SHANK2: variants seen among roughly 807,000 people sequenced by gnomAD.
SHANK2 encodes SH3 and multiple ankyrin repeat domains protein 2.
Under a neutral mutation model 133.7 loss-of-function variants are expected in SHANK2, and 43 were observed. The ratio of observed to expected loss-of-function variants is 0.32; its 90% CI spans 0.25 to 0.41. The LOEUF is 0.41. SHANK2 is among the 10% of genes least tolerant of loss of function. The pLI, the probability that SHANK2 is intolerant of heterozygous loss-of-function variation, is 1.00. For missense variants in SHANK2, 1,994 were observed against 2,235.8 expected, an observed-to-expected ratio of 0.89 and a Z score of 2.18; for synonymous variants, 1,017 against 952.8, an observed-to-expected ratio of 1.07 and a Z score of -1.24.
At chr11:70,592,502 C>T (rs1007649847) in intron 17 of SHANK2, among the ~76,000 whole-genome samples, 4 of 152,054 alleles carry the variant, frequency 2.6e-5, no homozygotes, top group Non-Finnish European at 5.9e-5. Flanking sequence ...AGCACACCCC[C>T]TCCAGCCACG....
chr11:70,526,330 T>G (rs1554972113), intron 17 of SHANK2, among the ~76,000 whole-genome samples: 1 of 152,214 alleles, frequency 6.6e-6, no homozygotes, highest in African/African-American at 2.4e-5. Context: ...GACAAGAGAC[T>G]GATTTCAGTG....
intron 24 of SHANK2, among the ~76,000 whole-genome samples, chr11:70,488,082 C>CGT (rs1403026242): frequency 7.2e-5 from 11 of 152,126 alleles, no homozygotes; most frequent in African/African-American, 2.2e-4. Flanking sequence ...GCTGCTTGTG[C>CGT]GTGTGTGTGT....
rs782759323 is a variant in SHANK2, at chr11:70,472,982, C to T, written c.5437G>A (p.Asp1813Asn). 33 of 1,614,118 alleles carry T rather than the reference C, an allele frequency of 2.0e-5. No homozygotes were observed. Among genetic ancestry groups the T allele is most frequent in the Non-Finnish European group, 2.7e-5 (32 of 1,180,054 alleles). ...HKEAFMDNEI[D>N]GSHLPNLQKE... ...TGCAGGTTTGGTAAGTGACTGCCATCGATCTCATTGTCCATGAAGGCCTCT... is the reference window on the plus strand; with the variant it reads ...TGCAGGTTTGGTAAGTGACTGCCATTGATCTCATTGTCCATGAAGGCCTCT... The change falls in exon 26 of 26, where the codon GAT becomes AAT. Residue 1813 changes from aspartate to asparagine, a missense_variant. Asp to Asn is a conservative substitution (Grantham distance 23). This residue lies in a region of SHANK2 where 42 missense variants were observed against 79.9 expected (regional missense o/e 0.53). Transcript: ENST00000601538. This position sits in a 1 kb window ranked among gnomAD's most constrained non-coding sequence, Gnocchi z 4.4.
At chr11:71,079,409 C>T (rs1228908884) in intron 8 of SHANK2, among the ~76,000 whole-genome samples, 1 of 152,150 alleles carries the variant, frequency 6.6e-6, no homozygotes, top group Non-Finnish European at 1.5e-5. Flanking sequence ...GTTCCTTGTA[C>T]TATTCTTGCA....
At chr11:70,624,170 G>C (rs1257444570) in intron 17 of SHANK2, among the ~76,000 whole-genome samples, 1 of 152,258 alleles carries the variant, frequency 6.6e-6, no homozygotes, top group South Asian at 2.1e-4. Flanking sequence ...GAGGCCGGGG[G>C]AGTGTGCAGG....
chr11:70,943,738 T>A (rs1950679032), intron 10 of SHANK2, among the ~76,000 whole-genome samples: 3 of 152,082 alleles, frequency 2.0e-5, no homozygotes, highest in Admixed American at 2.0e-4. Flanking sequence ...CAAATGAAAT[T>A]TAACTTTTAC....
intron 10 of SHANK2, among the ~76,000 whole-genome samples, chr11:70,897,937 C>A (rs1565391829): frequency 2.7e-5 from 4 of 148,706 alleles, no homozygotes; most frequent in Admixed American, 2.0e-4. Flanking sequence ...TCATAATATA[C>A]ATATACACAC....
chr11:70,912,172 GTGGTGACACTTACCA>G (rs1555079162), intron 10 of SHANK2, among the ~76,000 whole-genome samples: 1 of 151,362 alleles, frequency 6.6e-6, no homozygotes, highest in African/African-American at 2.4e-5. Flanking sequence ...GAAGGTGGTG[GTGGTGACACTTACCA>G]CGTGACCTTA....
At chr11:70,720,762 C>A (rs185968535) in intron 14 of SHANK2, among the ~76,000 whole-genome samples, 75 of 152,312 alleles carry the variant, frequency 4.9e-4, no homozygotes, top group African/African-American at 1.6e-3. Context: ...CACACACATT[C>A]ATGTAGCACA....
At chr11:70,655,512 G>T (rs2061395327) in intron 17 of SHANK2, among the ~76,000 whole-genome samples, 1 of 152,222 alleles carries the variant, frequency 6.6e-6, no homozygotes, top group African/African-American at 2.4e-5. Flanking sequence ...GCACTGCAGG[G>T]CTTGTAGGGT....
intron 17 of SHANK2, among the ~76,000 whole-genome samples, chr11:70,531,255 G>T (rs563205789): frequency 6.6e-6 from 1 of 152,152 alleles, no homozygotes; most frequent in Admixed American, 6.5e-5. Context: ...AAAGGGAGAG[G>T]CATGGCCCAG....
intron 3 of SHANK2, among the ~76,000 whole-genome samples, chr11:71,124,207 T>A: frequency 1.3e-5 from 1 of 77,474 alleles, no homozygotes. Context: ...ATGATGGTGG[T>A]GATGATGATG....
At chr11:70,720,040 G>A (rs1555028576) in intron 14 of SHANK2, among the ~76,000 whole-genome samples, 30 of 152,164 alleles carry the variant, frequency 2.0e-4, no homozygotes, top group Non-Finnish European at 1.5e-5. Flanking sequence ...TTCAGCTTCT[G>A]CATCAAGAAT....
At chr11:70,810,633 G>A (rs1432747011) in intron 12 of SHANK2, among the ~76,000 whole-genome samples, 3 of 152,250 alleles carry the variant, frequency 2.0e-5, no homozygotes, top group Non-Finnish European at 4.4e-5. Flanking sequence ...CTCCCAGGCT[G>A]ACCTGCCCCA....
intron 11 of SHANK2, among the ~76,000 whole-genome samples, chr11:70,858,651 A>C (rs1949207764): frequency 6.6e-6 from 1 of 152,226 alleles, no homozygotes; most frequent in South Asian, 2.1e-4. Flanking sequence ...AATCATGGAA[A>C]CTTCTTTGTT....
Position 71,152,518 on chromosome 11 carries a change from G to A in SHANK2, c.-12-5180C>T, listed in dbSNP as rs1350610566. Among the ~76,000 whole-genome samples the A allele has an allele frequency of 3.9e-5, 6 of 152,340 alleles. No homozygotes were observed. In the South Asian group the frequency reaches 6.2e-4, roughly 16 times the overall value. On this transcript the variant is annotated intron_variant, in intron 2 of 25. Coordinates refer to ENST00000601538, the MANE Select transcript of SHANK2 (RefSeq NM_012309.5). ...ACCAACAGCCCACAGCAGGAAGGGCGGCAAGGAGGGGCTCCTGAGGCCACA... is the reference window on the plus strand; with the variant it reads ...ACCAACAGCCCACAGCAGGAAGGGCAGCAAGGAGGGGCTCCTGAGGCCACA...
intron 11 of SHANK2, among the ~76,000 whole-genome samples, chr11:70,884,761 C>T (rs939985988): frequency 3.9e-5 from 6 of 152,222 alleles, no homozygotes; most frequent in African/African-American, 1.4e-4. Flanking sequence ...GTTCTTGTTG[C>T]CCAGGCTGGA....
chr11:70,553,515 A>T (rs2059795066), intron 17 of SHANK2, among the ~76,000 whole-genome samples: 1 of 152,184 alleles, frequency 6.6e-6, no homozygotes, highest in Non-Finnish European at 1.5e-5. Flanking sequence ...GATCCCCAGC[A>T]GCCCCCTGCC....
chr11:70,767,126 G>C (rs1947139316), intron 14 of SHANK2, among the ~76,000 whole-genome samples: 1 of 152,164 alleles, frequency 6.6e-6, no homozygotes, highest in Non-Finnish European at 1.5e-5. Context: ...CTGGGCTTTT[G>C]AACTGAAGGC....
Sources: allele counts gnomAD v4.1 joint callset (sites outside exome capture counted in the v4.1 genomes callset), GRCh38; gene constraint gnomAD v4.1.1; regional missense constraint gnomAD v4.1.1; non-coding constraint Gnocchi (gnomAD v3.1); transcripts MANE v1.5; gene names NCBI Gene and HGNC (gene_info 2026-07-23, HGNC 2026-07-21).